Variants in SRR observed in about 807,000 individuals in gnomAD.
SRR encodes D-serine ammonia-lyase.
In SRR, 19 loss-of-function variants were observed where a neutral mutation model predicts 32.7. The ratio of observed to expected loss-of-function variants is 0.58; its 90% CI spans 0.40 to 0.85. SRR has a LOEUF of 0.85. Among genes scored for constraint, SRR ranks in the 40% least tolerant of loss-of-function variants. The pLI, the probability that SRR is intolerant of heterozygous loss-of-function variation, is 0.00. For synonymous variants in SRR, 142 were observed against 140.9 expected, an observed-to-expected ratio of 1.01 and a Z score of -0.06; for missense variants, 373 against 404.7, an observed-to-expected ratio of 0.92 and a Z score of 0.67.
intron 1 of SRR, among the ~76,000 whole-genome samples, chr17:2,305,645 CAA>C (rs1376045741): frequency 6.6e-6 from 1 of 152,138 alleles, no homozygotes. Flanking sequence ...AAAGAAATGA[CAA>C]GAAAGACAAC....
chr17:2,317,962 T>C lies in SRR; in HGVS notation c.261T>C (p.His87=), dbSNP rs780865939. The C allele has an allele frequency of 3.7e-6, 6 of 1,613,866 alleles. No individual in the cohort carries two copies. The highest frequency in any genetic ancestry group is 1.7e-5 in the Admixed American group (1 of 59,978). The change falls in exon 3 of 8, where the codon CAT becomes CAC. Residue 87 remains histidine, a synonymous_variant. Coordinates refer to ENST00000344595, the MANE Select transcript of SRR (RefSeq NM_021947.3). ...KAVVTHSSGN[H]GQALTYAAKL... ...TTGTTACTCACAGCAGTGGAAACCA[T>C]GGCCAGGCTCTCACCTATGCTGCCA... is the stretch of plus-strand genomic sequence containing the variant.
chr17:2,308,989 A>G (rs1419298304), intron 1 of SRR, among the ~76,000 whole-genome samples: 1 of 150,532 alleles, frequency 6.6e-6, no homozygotes, highest in Non-Finnish European at 1.5e-5. Context: ...GTGGTGCTAC[A>G]TGCCTGTAAT....
intron 1 of SRR, chr17:2,307,365 T>A: frequency 9.3e-7 from 1 of 1,076,674 alleles, no homozygotes; most frequent in African/African-American, 1.5e-5. Flanking sequence ...CTGGAAACTT[T>A]GGTGGTGGTC....
chr17:2,303,591 G>A, upstream of SRR: 1 of 1,381,852 alleles, frequency 7.2e-7, no homozygotes, highest in Non-Finnish European at 9.3e-7. Context: ...GAGGGAGGCG[G>A]GGCGGGCAGG....
upstream of SRR, chr17:2,303,880 A>C: frequency 2.1e-6 from 1 of 467,810 alleles, no homozygotes; most frequent in Non-Finnish European, 3.6e-6. Flanking sequence ...TGGGAGGAAA[A>C]GCGCCCGCCG....
Position 2,324,509 on chromosome 17 carries a change from G to A in SRR, c.*636G>A, listed in dbSNP as rs1451479067. The A allele has an allele frequency of 1.9e-6, 3 of 1,614,062 alleles. No homozygotes were observed. The highest frequency in any genetic ancestry group is 2.2e-5 in the East Asian group (1 of 44,896). ...CAAATCCCGTGTTTCCTTACCTAAA[G>A]GTTCCTTGATATGTCCTCTCCGGCC... On this transcript the variant is annotated 3_prime_UTR_variant, in exon 8 of 8. Coordinates refer to ENST00000344595, the MANE Select transcript of SRR (RefSeq NM_021947.3).
chr17:2,315,277 G>T, intron 1 of SRR: 1 of 245,558 alleles, frequency 4.1e-6, no homozygotes, highest in East Asian at 7.5e-5. Context: ...GGAGACCAGT[G>T]GCAGTGCCAA....
intron 1 of SRR, chr17:2,309,700 CTG>C (rs936853650): frequency 1.3e-5 from 2 of 152,486 alleles, no homozygotes; most frequent in African/African-American, 2.4e-5. Context: ...CTAATTGATA[CTG>C]TGTTACAGAT....
At chr17:2,323,022 C>G (rs1490113355) in intron 6 of SRR, 114 bp from the exon 7 acceptor site, 1 of 1,118,062 alleles carries the variant, frequency 8.9e-7, no homozygotes, top group Non-Finnish European at 1.3e-6. Flanking sequence ...GCCTCGGGCT[C>G]CCAAAGTGTT....
At chr17:2,322,826 G>T in intron 6 of SRR, 1 of 345,416 alleles carries the variant, frequency 2.9e-6, no homozygotes, top group Admixed American at 4.2e-5. Context: ...CCATTTTGGT[G>T]TGATCTCAGC....
rs145419072 is a variant in SRR, at chr17:2,317,874, G to C, written c.173G>C (p.Arg58Pro). 88 of 1,611,276 alleles carry C rather than the reference G, an allele frequency of 5.5e-5. No individual in the cohort carries two copies. The highest frequency in any genetic ancestry group is 1.6e-4 in the Middle Eastern group (1 of 6,068). The change falls in exon 3 of 8, where the codon CGT (arginine) becomes CCT (proline). Residue 58 changes from arginine to proline, a missense_variant. Coordinates refer to ENST00000344595, the MANE Select transcript of SRR (RefSeq NM_021947.3). ...TTCACCATCCCTCTTTTTCAGATTC[G>C]TGGTGCTCTCAATGCCGTCAGAAGC... is the stretch of plus-strand genomic sequence containing the variant. ...LFQKTGSFKI[R>P]GALNAVRSLV...
intron 1 of SRR, among the ~76,000 whole-genome samples, chr17:2,308,038 A>C (rs1332424080): frequency 6.6e-6 from 1 of 150,520 alleles, no homozygotes; most frequent in Non-Finnish European, 1.5e-5. Flanking sequence ...ACACTGAATA[A>C]ATGTCTTTTT....
rs1230676532 is a variant in SRR at position 2,303,972 on chromosome 17, AGG to A, written c.-49_-48del. On this transcript the variant is annotated 5_prime_UTR_variant, in exon 1 of 8. Coordinates refer to ENST00000344595, the MANE Select transcript of SRR (RefSeq NM_021947.3). ...CGCGTGCGCAGAGGTGCGGCCGGGGAGGCGCGCGGAGGCTGGAGCTGGAGGCG... is the reference window on the plus strand; with the variant it reads ...CGCGTGCGCAGAGGTGCGGCCGGGGACGCGCGGAGGCTGGAGCTGGAGGCG... 2 of 347,110 alleles carry A rather than the reference AGG, an allele frequency of 5.8e-6. No homozygotes were observed. The highest frequency in any genetic ancestry group is 4.4e-5 in the African/African-American group (2 of 45,882). The allele number at this position is 347,110 out of a possible 1,614,324, so 21.5% of individuals were successfully genotyped here.
chr17:2,324,242 A>G lies in SRR; in HGVS notation c.*369A>G, dbSNP rs1418133944. ...CACTGTTGAAGAAATCTCACTTTTCAGCCAGGGTACTGGTTCTGGTACATA... is the reference window on the plus strand; with the variant it reads ...CACTGTTGAAGAAATCTCACTTTTCGGCCAGGGTACTGGTTCTGGTACATA... On this transcript the variant is annotated 3_prime_UTR_variant, in exon 8 of 8. Coordinates refer to ENST00000344595, the MANE Select transcript of SRR (RefSeq NM_021947.3). 1 of 1,531,202 alleles carries G rather than the reference A, an allele frequency of 6.5e-7. No homozygotes were observed. Among genetic ancestry groups the G allele is most frequent in the African/African-American group, 1.4e-5 (1 of 71,964 alleles). 94.9% of individuals were successfully genotyped at this position (1,531,202 alleles called of 1,614,324 possible).
intron 2 of SRR, 128 bp from the exon 3 acceptor site, chr17:2,317,742 G>A: frequency 1.0e-6 from 1 of 957,680 alleles, no homozygotes; most frequent in South Asian, 1.7e-5. Flanking sequence ...AGATATTTAA[G>A]AGGTAAATCG....
Position 2,324,250 on chromosome 17 carries a change from T to TA in SRR, c.*378dup. On this transcript the variant is annotated 3_prime_UTR_variant, in exon 8 of 8. Coordinates refer to ENST00000344595, the MANE Select transcript of SRR (RefSeq NM_021947.3). ...AAGAAATCTCACTTTTCAGCCAGGG[T>TA]ACTGGTTCTGGTACATATGGATCAT... is the stretch of plus-strand genomic sequence containing the variant. 2 of 1,538,884 alleles carry TA rather than the reference T, an allele frequency of 1.3e-6. No homozygotes were observed. The highest frequency in any genetic ancestry group is 1.7e-6 in the Non-Finnish European group (2 of 1,148,890).
At position 2,318,895 on chromosome 17, in the gene SRR, G is replaced by A. The variant is rs766816485; in HGVS notation, c.365G>A (p.Gly122Glu). The A allele has an allele frequency of 6.2e-7, 1 of 1,613,774 alleles. No individual in the cohort carries two copies. The highest frequency in any genetic ancestry group is 1.1e-5 in the South Asian group (1 of 91,060). Residue 122 changes from glycine (G) to glutamate (E), a missense_variant, in exon 4 of 8, where the codon GGA becomes GAA. By Grantham distance (98) the Gly-to-Glu change is moderately conservative. Coordinates refer to ENST00000344595, the MANE Select transcript of SRR (RefSeq NM_021947.3). ...AAAAAACTTGCAATACAAGCCTACG[G>A]AGCGTCAATTGTATACTGTGAACCT... ...DCKKLAIQAYGASIVYCEPSD... is the reference protein window; with the variant it reads ...DCKKLAIQAYEASIVYCEPSD...
At chr17:2,308,338 TA>T (rs1421111388) in intron 1 of SRR, among the ~76,000 whole-genome samples, 1 of 152,174 alleles carries the variant, frequency 6.6e-6, no homozygotes, top group African/African-American at 2.4e-5. Context: ...GTACTTTAAA[TA>T]GATTGAAAAG....
Position 2,324,123 on chromosome 17 carries a change from C to T in SRR, c.*250C>T, listed in dbSNP as rs2075558233. ...AGGCTGACATAGAAAATAAACTTTG[C>T]CCAATCACAACTTGTGCCTCCCATC... is the stretch of plus-strand genomic sequence containing the variant. On this transcript the variant is annotated 3_prime_UTR_variant, in exon 8 of 8. Coordinates refer to ENST00000344595, the MANE Select transcript of SRR (RefSeq NM_021947.3). The T allele has an allele frequency of 4.0e-6, 6 of 1,496,134 alleles. No homozygotes were observed. The highest frequency in any genetic ancestry group is 2.5e-4 in the Middle Eastern group (1 of 4,074). 92.7% of individuals were successfully genotyped at this position (1,496,134 alleles called of 1,614,324 possible).
Sources: gnomAD v4.1 joint callset for allele counts (sites outside exome capture counted in the v4.1 genomes callset) on GRCh38, gnomAD v4.1.1 for gene constraint, MANE v1.5 for transcripts, NCBI Gene and HGNC (gene_info 2026-07-23, HGNC 2026-07-21) for gene names.